EFNA5: variants seen among roughly 807,000 people sequenced by gnomAD.
The protein encoded by EFNA5 is ephrin-A5.
A neutral mutation model predicts 22.9 loss-of-function variants in EFNA5; 5 were observed. The observed-to-expected ratio is 0.22, with a 90% CI of 0.11 to 0.46. EFNA5 has a LOEUF of 0.46. Among genes scored for constraint, EFNA5 ranks in the 20% least tolerant of loss-of-function variants. The pLI is 0.99. For synonymous variants in EFNA5, 113 were observed against 112.2 expected (o/e 1.01, Z -0.04); for missense variants, 237 against 293.3 (o/e 0.81, Z 1.40).
At chr5:107,388,659 A>C in intron 2 of EFNA5, 1 of 152,192 alleles carries the variant, frequency 6.6e-6, no homozygotes, top group East Asian at 1.9e-4. Flanking sequence ...CTTAACAACC[A>C]CATGTATTTA....
chr5:107,485,050 A>G (rs1002494744), intron 1 of EFNA5, among the ~76,000 whole-genome samples: 2 of 152,036 alleles, frequency 1.3e-5, no homozygotes, highest in East Asian at 3.9e-4. Context: ...AATTTCAGAG[A>G]AAAATGAAAA....
chr5:107,615,503 T>C (rs1215389126), intron 1 of EFNA5, among the ~76,000 whole-genome samples: 1 of 152,178 alleles, frequency 6.6e-6, no homozygotes, highest in African/African-American at 2.4e-5. Context: ...CCCCTGCCTT[T>C]GCAGTCAGAC....
chr5:107,431,063 C>G (rs538644297), intron 1 of EFNA5, among the ~76,000 whole-genome samples: 1 of 152,070 alleles, frequency 6.6e-6, no homozygotes, highest in Non-Finnish European at 1.5e-5. Flanking sequence ...CGTGAGCCAC[C>G]GCGCCCGGCC....
At chr5:107,659,793 A>G (rs1323588024) in intron 1 of EFNA5, among the ~76,000 whole-genome samples, 1 of 152,158 alleles carries the variant, frequency 6.6e-6, no homozygotes, top group Non-Finnish European at 1.5e-5. Flanking sequence ...ATTCAGACTC[A>G]CAGATATTGC....
At chr5:107,522,884 G>A (rs922194933) in intron 1 of EFNA5, among the ~76,000 whole-genome samples, 1 of 152,080 alleles carries the variant, frequency 6.6e-6, no homozygotes, top group African/African-American at 2.4e-5. Context: ...CTTGAATAAA[G>A]GCTGTCTGTA....
At chr5:107,526,586 G>A (rs879486003) in intron 1 of EFNA5, among the ~76,000 whole-genome samples, 5 of 152,160 alleles carry the variant, frequency 3.3e-5, no homozygotes, top group Non-Finnish European at 5.9e-5. Context: ...TTTCTATTCA[G>A]TCATGGATTA....
At chr5:107,514,777 G>A (rs962407310) in intron 1 of EFNA5, among the ~76,000 whole-genome samples, 12 of 152,246 alleles carry the variant, frequency 7.9e-5, no homozygotes, top group East Asian at 1.9e-4. Context: ...GAGGTCCTAC[G>A]TGACCTGCCT....
intron 1 of EFNA5, among the ~76,000 whole-genome samples, chr5:107,606,733 C>T (rs960750800): frequency 1.2e-4 from 18 of 152,150 alleles, no homozygotes; most frequent in African/African-American, 4.3e-4. Context: ...CAAAATATCA[C>T]AGCTGTAGTA....
chr5:107,488,313 A>T (rs1349729063), intron 1 of EFNA5, among the ~76,000 whole-genome samples: 1 of 152,168 alleles, frequency 6.6e-6, no homozygotes, highest in Non-Finnish European at 1.5e-5. Flanking sequence ...AATTTCTTAC[A>T]TTGTATAAAG....
intron 2 of EFNA5, among the ~76,000 whole-genome samples, chr5:107,397,249 T>C (rs1747951844): frequency 6.6e-6 from 1 of 152,052 alleles, no homozygotes; most frequent in Non-Finnish European, 1.5e-5. Context: ...AGACCCTGTC[T>C]CTAATAAGAA....
chr5:107,538,836 G>A (rs947814894), intron 1 of EFNA5, among the ~76,000 whole-genome samples: 2 of 152,164 alleles, frequency 1.3e-5, no homozygotes, highest in African/African-American at 2.4e-5. Context: ...CTGGGTGTAG[G>A]GGTTGGAGGA....
Position 107,611,425 on chromosome 5 carries a change from G to A in EFNA5, c.125+59064C>T, listed in dbSNP as rs559332382. ...AAAACCTATGTTTGTAAAATTCCAC[G>A]GGAAACAAGGTAAAACGGTTCGCTC... On this transcript the variant is annotated intron_variant, in intron 1 of 4. Coordinates refer to ENST00000333274, the MANE Select transcript of EFNA5 (RefSeq NM_001962.3). Among the ~76,000 whole-genome samples, 253 of 152,188 alleles carry A rather than the reference G, an allele frequency of 1.7e-3. 2 individuals are homozygous for A. The highest frequency in any genetic ancestry group is 5.9e-3 in the African/African-American group (246 of 41,522).
chr5:107,408,187 A>C (rs920957001), intron 2 of EFNA5, among the ~76,000 whole-genome samples: 5 of 151,572 alleles, frequency 3.3e-5, no homozygotes, highest in East Asian at 1.9e-4. Flanking sequence ...ACACACACAC[A>C]CCCATCACCA....
chr5:107,456,859 T>C (rs1749710803), intron 1 of EFNA5, among the ~76,000 whole-genome samples: 1 of 152,182 alleles, frequency 6.6e-6, no homozygotes, highest in South Asian at 2.1e-4. Flanking sequence ...TTATAAATGC[T>C]ATGCTACTTA....
intron 1 of EFNA5, among the ~76,000 whole-genome samples, chr5:107,502,440 G>A (rs1391711085): frequency 1.3e-5 from 2 of 152,068 alleles, no homozygotes; most frequent in East Asian, 1.9e-4. Context: ...CAAATGAACC[G>A]GCAATCATTT....
Position 107,618,028 on chromosome 5 carries a change from G to GA in EFNA5, c.125+52460dup, listed in dbSNP as rs534496118. On this transcript the variant is annotated intron_variant, in intron 1 of 4. Coordinates refer to ENST00000333274, the MANE Select transcript of EFNA5 (RefSeq NM_001962.3). ...AAACAAAAAAAATCATGGATTTCAA[G>GA]AAAAAAAAAAGACCCAGCACACAAC... 6.7e-3 allele frequency among the ~76,000 whole-genome samples: 987 copies of GA among 146,320 alleles called. 13 individuals carry two copies. The highest frequency in any genetic ancestry group is 0.022 in the African/African-American group (868 of 40,032).
chr5:107,489,581 T>C (rs538021815), intron 1 of EFNA5, among the ~76,000 whole-genome samples: 1 of 152,234 alleles, frequency 6.6e-6, no homozygotes, highest in Admixed American at 6.5e-5. Context: ...GTTCACATTC[T>C]AAAAGGTACC....
chr5:107,638,448 T>C (rs1024496099), intron 1 of EFNA5, among the ~76,000 whole-genome samples: 2 of 152,206 alleles, frequency 1.3e-5, no homozygotes, highest in East Asian at 1.9e-4. Flanking sequence ...TGGCTACAGC[T>C]AATAACAATA....
At chr5:107,448,680 A>AT (rs1407724995) in intron 1 of EFNA5, among the ~76,000 whole-genome samples, 1 of 151,734 alleles carries the variant, frequency 6.6e-6, no homozygotes, top group Non-Finnish European at 1.5e-5. Flanking sequence ...AATACAAAAA[A>AT]TTAGCTGCAT....
Sources: allele counts gnomAD v4.1 joint callset (sites outside exome capture counted in the v4.1 genomes callset), GRCh38; gene constraint gnomAD v4.1.1; transcripts MANE v1.5; gene names NCBI Gene and HGNC (gene_info 2026-07-23, HGNC 2026-07-21).